SCN2A: variants seen among roughly 807,000 people sequenced by gnomAD.
SCN2A encodes sodium voltage-gated channel alpha subunit 2.
In SCN2A, 20 loss-of-function variants were observed where a neutral mutation model predicts 188.7. The ratio of observed to expected loss-of-function variants is 0.11; its 90% CI spans 0.07 to 0.15. SCN2A has a LOEUF of 0.15. SCN2A is among the 10% of genes least tolerant of loss of function. The pLI is 1.00. For missense variants in SCN2A, 1,278 were observed against 2,445.0 expected (o/e 0.52, Z 10.07); for synonymous variants, 804 against 833.1 (o/e 0.97, Z 0.60).
intron 1 of SCN2A, chr2:165,270,358 C>G (rs1695050739): frequency 6.6e-6 from 1 of 152,002 alleles, no homozygotes; most frequent in Non-Finnish European, 1.5e-5. Flanking sequence ...TTACAACCCA[C>G]CCATTGCTTA....
chr2:165,369,204 C>T lies in SCN2A; in HGVS notation c.3676-922C>T, dbSNP rs148959747. On this transcript the variant is annotated intron_variant, in intron 19 of 26. Transcript: ENST00000375437. ...TTGGCCTCTTAAAGTGCTGGAACGACGGGCGTGAACCACCGCACCTTGCCA... is the reference window on the plus strand; with the variant it reads ...TTGGCCTCTTAAAGTGCTGGAACGATGGGCGTGAACCACCGCACCTTGCCA... Among the ~76,000 whole-genome samples the T allele has an allele frequency of 5.4e-3, 816 of 152,238 alleles. 8 individuals carry two copies. The highest frequency in any genetic ancestry group is 0.019 in the African/African-American group (780 of 41,546).
At chr2:165,256,662 T>C (rs1431113798) in intron 1 of SCN2A, among the ~76,000 whole-genome samples, 1 of 152,218 alleles carries the variant, frequency 6.6e-6, no homozygotes, top group African/African-American at 2.4e-5. Context: ...TATATCCAAC[T>C]GGACTCCCTT....
chr2:165,291,352 GTTCCTTCCTTCCTTCCTTCCTTCC>G (rs756578383), intron 1 of SCN2A, among the ~76,000 whole-genome samples: 126 of 56,046 alleles, frequency 2.2e-3, no homozygotes, highest in African/African-American at 6.2e-3. Flanking sequence ...TCTGTCGTTC[GTTCCTTCCTTCCTTCCTTCCTTCC>G]TTCCTTCCTT....
Position 165,370,294 on chromosome 2 carries a change from G to T in SCN2A, c.3844G>T (p.Val1282Phe), listed in dbSNP as rs1184922927. The change falls in exon 20 of 27, where the codon GTT (valine) becomes TTT (phenylalanine). Residue 1282 changes from valine to phenylalanine, a missense_variant. Physicochemically the swap from Val to Phe is conservative, Grantham distance 50 (BLOSUM62 -1). Around this residue, in one of 17 missense-constraint regions of SCN2A, gnomAD observed 39 missense variants for 130.2 expected, o/e 0.30. Coordinates refer to ENST00000375437, the MANE Select transcript of SCN2A (RefSeq NM_001040142.2). ...CTGGTGCTGGCTAGACTTCCTGATT[G>T]TTGATGTGAGTATGCTGCACTTTGC... ...NAWCWLDFLI[V>F]DVSLVSLTAN... 23 of 1,614,066 alleles carry T rather than the reference G, an allele frequency of 1.4e-5. No individual in the cohort carries two copies. The highest frequency in any genetic ancestry group is 1.8e-5 in the Non-Finnish European group (21 of 1,179,986).
chr2:165,345,829 T>G (rs1160048353), intron 16 of SCN2A, among the ~76,000 whole-genome samples: 1 of 152,196 alleles, frequency 6.6e-6, no homozygotes, highest in Non-Finnish European at 1.5e-5. Flanking sequence ...TTTGGTATGT[T>G]TTTGCAGTGG....
chr2:165,307,768 ACTT>A, intron 3 of SCN2A, 77 bp from the exon 4 acceptor site: 1 of 932,532 alleles, frequency 1.1e-6, no homozygotes, highest in Non-Finnish European at 1.8e-6. Context: ...AAAGTTTTAA[ACTT>A]CATGGTGGTG....
chr2:165,291,352 GTTCCTTCC>G (rs756578383), intron 1 of SCN2A, among the ~76,000 whole-genome samples: 3,994 of 55,706 alleles, frequency 0.072, 149 homozygotes, highest in East Asian at 0.11. Context: ...TCTGTCGTTC[GTTCCTTCC>G]TTCCTTCCTT....
chr2:165,371,106 C>T lies in SCN2A; in HGVS notation c.3849+807C>T, dbSNP rs537848623. The T allele has an allele frequency of 3.3e-5, 5 of 152,130 alleles. No individual in the cohort carries two copies. In the East Asian group the frequency reaches 5.8e-4, roughly 18 times the overall value. 9.4% of individuals were successfully genotyped at this position (152,130 alleles called of 1,614,324 possible). A position where few individuals can be genotyped will look rare whatever the true frequency, so the allele number is the denominator to read the frequency against. On this transcript the variant is annotated intron_variant, in intron 20 of 26. Transcript: ENST00000375437. ...TTCTTTTCTCTATTTTCTGTATGTACTTATCATAGGTTGGTAAATCCATAA... is the reference window on the plus strand; with the variant it reads ...TTCTTTTCTCTATTTTCTGTATGTATTTATCATAGGTTGGTAAATCCATAA...
intron 25 of SCN2A, among the ~76,000 whole-genome samples, chr2:165,383,385 C>G (rs561909925): frequency 1.7e-4 from 26 of 151,962 alleles, no homozygotes; most frequent in Non-Finnish European, 3.4e-4. Context: ...TGTGAAGGTC[C>G]TTATGTAGGA....
intron 12 of SCN2A, among the ~76,000 whole-genome samples, chr2:165,324,155 G>A (rs766055289): frequency 6.6e-5 from 10 of 152,046 alleles, no homozygotes; most frequent in Admixed American, 1.3e-4. Context: ...CCAATCACAT[G>A]GAAAAGGATT....
chr2:165,360,087 C>T (rs1324946028), intron 17 of SCN2A, among the ~76,000 whole-genome samples: 1 of 151,640 alleles, frequency 6.6e-6, no homozygotes, highest in Non-Finnish European at 1.5e-5. Context: ...TTTTAAGTGC[C>T]AATTTTTTAA....
intron 14 of SCN2A, among the ~76,000 whole-genome samples, chr2:165,332,069 T>G (rs1469751511): frequency 2.0e-5 from 3 of 151,926 alleles, no homozygotes; most frequent in Non-Finnish European, 4.4e-5. Context: ...ATTTATTTAA[T>G]TTTGTTAAAA....
chr2:165,377,144 T>C (rs1310830876), intron 22 of SCN2A, among the ~76,000 whole-genome samples: 2 of 151,996 alleles, frequency 1.3e-5, no homozygotes. Flanking sequence ...TTTTCAAGAA[T>C]AAGCTGTCAT....
chr2:165,334,834 G>A (rs1014112380), intron 14 of SCN2A, among the ~76,000 whole-genome samples: 47 of 150,528 alleles, frequency 3.1e-4, no homozygotes, highest in South Asian at 8.3e-4. Context: ...TTCTATTAAC[G>A]AATACATAAT....
rs71028477 is a variant in SCN2A, at chr2:165,303,270, G to GTTTTTTTTTTTTTTTTTTTTTTT, written c.387-4577_387-4555dup. 1.9e-4 allele frequency among the ~76,000 whole-genome samples: 17 copies of GTTTTTTTTTTTTTTTTTTTTTTT among 91,318 alleles called. 2 individuals are homozygous for GTTTTTTTTTTTTTTTTTTTTTTT. The highest frequency in any genetic ancestry group is 1.5e-3 in the East Asian group (4 of 2,676). 59.9% of individuals were successfully genotyped at this position (91,318 alleles called of 152,430 possible). On this transcript the variant is annotated intron_variant, in intron 3 of 26. Transcript: ENST00000375437. ...TTGTATTTGAGTTTTTGTTATTTGA[G>GTTTTTTTTTTTTTTTTTTTTTTT]TTTTTTTTTTTTTTTTTTTTTTTGA...
At chr2:165,251,331 G>A (rs1290122818) in intron 1 of SCN2A, among the ~76,000 whole-genome samples, 1 of 151,922 alleles carries the variant, frequency 6.6e-6, no homozygotes, top group African/African-American at 2.4e-5. Context: ...AGTCGTGGTG[G>A]TAGAAAACAA....
At chr2:165,315,789 C>T in intron 11 of SCN2A, 31 bp downstream of exon 11, 3 of 1,601,252 alleles carry the variant, frequency 1.9e-6, no homozygotes, top group Non-Finnish European at 2.6e-6. Context: ...GAATTGTGTT[C>T]TCATAAATTT....
At chr2:165,276,197 TAA>T (rs1233041051) in intron 1 of SCN2A, among the ~76,000 whole-genome samples, 1 of 151,934 alleles carries the variant, frequency 6.6e-6, no homozygotes, top group Non-Finnish European at 1.5e-5. Flanking sequence ...CAAATAGTAA[TAA>T]GAGTTCTTCA....
At chr2:165,305,810 T>G (rs975720798) in intron 3 of SCN2A, among the ~76,000 whole-genome samples, 1 of 152,150 alleles carries the variant, frequency 6.6e-6, no homozygotes, top group African/African-American at 2.4e-5. Context: ...TTTCAAAAAG[T>G]TTGGCCATGA....
Sources: allele counts gnomAD v4.1 joint callset (sites outside exome capture counted in the v4.1 genomes callset), GRCh38; gene constraint gnomAD v4.1.1; regional missense constraint gnomAD v4.1.1; transcripts MANE v1.5; gene names NCBI Gene and HGNC (gene_info 2026-07-23, HGNC 2026-07-21).